The following PCDH9 variants were observed in gnomAD, a reference collection of about 807,000 sequenced individuals.
PCDH9 encodes protocadherin-9.
PCDH9 carries 24 observed loss-of-function variants against 70.6 expected under a neutral mutation model. The observed-to-expected ratio is 0.34, with a 90% confidence interval of 0.25 to 0.48. The LOEUF (loss-of-function observed/expected upper bound fraction) is 0.48, where lower values mean the gene tolerates loss of function less well. Ranked by LOEUF, PCDH9 falls within the 20% of genes least tolerant of loss-of-function variation. The pLI is 0.99. For synonymous variants in PCDH9, 562 were observed against 558.5 expected (o/e 1.01, Z -0.09); for missense variants, 1,281 against 1,503.6 (o/e 0.85, Z 2.45).
At chr13:66,593,226 C>T (rs986252131) in intron 4 of PCDH9, among the ~76,000 whole-genome samples, 2 of 151,610 alleles carry the variant, frequency 1.3e-5, no homozygotes, top group Non-Finnish European at 3.0e-5. Flanking sequence ...AGAACATCTT[C>T]GGAGGACTAT....
At chr13:66,793,316 T>C (rs2139323389) in intron 3 of PCDH9, among the ~76,000 whole-genome samples, 1 of 152,252 alleles carries the variant, frequency 6.6e-6, no homozygotes, top group African/African-American at 2.4e-5. Context: ...CGAATACCTT[T>C]TGCTATGCAT....
At position 66,442,045 on chromosome 13, in the gene PCDH9, A is replaced by G. The variant is rs181263637; in HGVS notation, c.3341-137017T>C. Among the ~76,000 whole-genome samples, 433 of 152,282 alleles carry G rather than the reference A, an allele frequency of 2.8e-3. 3 individuals are homozygous for G. The highest frequency in any genetic ancestry group is 9.8e-3 in the African/African-American group (409 of 41,570). On this transcript the variant is annotated intron_variant, in intron 4 of 4. Transcript: ENST00000377865. ...CTTTTGGAAAACTATATATGATTGT[A>G]TCCACATCATAAGTTTACAGGTAAT...
chr13:66,851,203 G>C (rs79446192), intron 3 of PCDH9, among the ~76,000 whole-genome samples: 1 of 152,034 alleles, frequency 6.6e-6, no homozygotes, highest in Admixed American at 6.6e-5. Flanking sequence ...CAACAAAAGC[G>C]TTAGTATCTA....
intron 2 of PCDH9, among the ~76,000 whole-genome samples, chr13:67,151,220 A>G (rs966273853): frequency 2.6e-5 from 4 of 152,138 alleles, no homozygotes; most frequent in Non-Finnish European, 4.4e-5. Flanking sequence ...CATGTGTTTT[A>G]TCTCTGTACT....
At chr13:67,061,291 CT>C (rs974200428) in intron 2 of PCDH9, among the ~76,000 whole-genome samples, 8 of 151,716 alleles carry the variant, frequency 5.3e-5, no homozygotes, top group Middle Eastern at 3.4e-3. Flanking sequence ...TATCAACAGG[CT>C]TTTTTTTCTG....
chr13:66,588,150 C>T (rs956461734), intron 4 of PCDH9, among the ~76,000 whole-genome samples: 17 of 151,982 alleles, frequency 1.1e-4, no homozygotes, highest in Non-Finnish European at 2.2e-4. Context: ...TTCACATAGA[C>T]ATCTATAATT....
At chr13:66,995,164 G>A (rs2084086697) in intron 2 of PCDH9, among the ~76,000 whole-genome samples, 1 of 152,142 alleles carries the variant, frequency 6.6e-6, no homozygotes, top group African/African-American at 2.4e-5. Flanking sequence ...TTTATTAAAT[G>A]TTAGATAGAA....
At chr13:66,472,008 C>T (rs971974363) in intron 4 of PCDH9, among the ~76,000 whole-genome samples, 7 of 151,568 alleles carry the variant, frequency 4.6e-5, no homozygotes, top group East Asian at 3.9e-4. Context: ...GTCAGGAGTT[C>T]GAAACGAGCT....
chr13:66,439,688 C>G (rs188491047), intron 4 of PCDH9, among the ~76,000 whole-genome samples: 1 of 152,236 alleles, frequency 6.6e-6, no homozygotes, highest in East Asian at 1.9e-4. Flanking sequence ...TTTATCCTTT[C>G]AAATAGCTTA....
intron 3 of PCDH9, among the ~76,000 whole-genome samples, chr13:66,899,534 A>C (rs988829394): frequency 2.0e-5 from 3 of 152,024 alleles, no homozygotes; most frequent in Non-Finnish European, 4.4e-5. Context: ...AAACAGTGAC[A>C]GGGAAGAGCT....
At chr13:67,203,410 T>C (rs917131906) in intron 2 of PCDH9, 5 of 152,106 alleles carry the variant, frequency 3.3e-5, no homozygotes, top group Non-Finnish European at 5.9e-5. Context: ...GATATCTCTC[T>C]TTTCCAAATA....
chr13:66,787,408 G>A (rs957273856), intron 3 of PCDH9, among the ~76,000 whole-genome samples: 23 of 152,054 alleles, frequency 1.5e-4, no homozygotes, highest in African/African-American at 5.6e-4. Context: ...CTGAGGTCAG[G>A]AGTTTGAGAC....
chr13:66,489,148 A>G (rs1019921317), intron 4 of PCDH9, among the ~76,000 whole-genome samples: 1 of 152,064 alleles, frequency 6.6e-6, no homozygotes. Flanking sequence ...CTTTAACTTT[A>G]TTTTTTTGAT....
At chr13:67,225,059 G>A in intron 2 of PCDH9, 5 of 1,124,406 alleles carry the variant, frequency 4.4e-6, no homozygotes, top group Non-Finnish European at 5.4e-6. Flanking sequence ...AAGTCTTGAA[G>A]CAGTCAATTT....
intron 4 of PCDH9, among the ~76,000 whole-genome samples, chr13:66,582,225 A>G (rs191742380): frequency 4.6e-5 from 7 of 152,310 alleles, no homozygotes; most frequent in Admixed American, 4.6e-4. Flanking sequence ...AGAATAGATT[A>G]TGTCTTTACT....
intron 4 of PCDH9, among the ~76,000 whole-genome samples, chr13:66,535,291 G>A (rs974900480): frequency 1.3e-5 from 2 of 151,798 alleles, no homozygotes; most frequent in South Asian, 4.2e-4. Flanking sequence ...TTTACCACTA[G>A]ATTGGGAATT....
chr13:66,604,655 C>G (rs1229682972), intron 4 of PCDH9, among the ~76,000 whole-genome samples: 1 of 151,892 alleles, frequency 6.6e-6, no homozygotes, highest in East Asian at 1.9e-4. Flanking sequence ...GTAATAACTT[C>G]AAAAAGTTGT....
At chr13:66,816,999 T>A (rs368164936) in intron 3 of PCDH9, among the ~76,000 whole-genome samples, 69 of 141,768 alleles carry the variant, frequency 4.9e-4, no homozygotes, top group Non-Finnish European at 7.6e-4. Context: ...TGAAAATATT[T>A]AAAAAAAAAA....
intron 3 of PCDH9, among the ~76,000 whole-genome samples, chr13:66,683,326 G>T (rs1331407962): frequency 3.9e-5 from 6 of 152,056 alleles, no homozygotes; most frequent in Non-Finnish European, 8.8e-5. Context: ...ATTAGTTATT[G>T]CCCTCAATGG....
Sources: gnomAD v4.1 joint callset for allele counts (sites outside exome capture counted in the v4.1 genomes callset) on GRCh38, gnomAD v4.1.1 for gene constraint, MANE v1.5 for transcripts, NCBI Gene and HGNC (gene_info 2026-07-23, HGNC 2026-07-21) for gene names.